The following PCDHGA12 variants were observed in gnomAD, a reference collection of about 807,000 sequenced individuals.
PCDHGA12 encodes the protein protocadherin gamma-A12.
PCDHGA12 carries 43 observed loss-of-function variants against 61.1 expected under a neutral mutation model. The observed-to-expected ratio is 0.70, with a 90% CI of 0.55 to 0.91. PCDHGA12 has a LOEUF of 0.91. PCDHGA12 is among the 40% of genes least tolerant of loss of function. The pLI is 0.00. For synonymous variants in PCDHGA12, 520 were observed against 542.9 expected (o/e 0.96, Z 0.59); for missense variants, 1,236 against 1,227.7 (o/e 1.01, Z -0.10).
intron 1 of PCDHGA12, among the ~76,000 whole-genome samples, chr5:141,445,620 C>T (rs561235315): frequency 2.0e-5 from 3 of 151,966 alleles, no homozygotes; most frequent in African/African-American, 4.8e-5. Context: ...TTCTTTTTTT[C>T]GGAAAGTGAT....
chr5:141,446,087 A>G (rs2154561251), intron 1 of PCDHGA12, among the ~76,000 whole-genome samples: 1 of 152,370 alleles, frequency 6.6e-6, no homozygotes, highest in Non-Finnish European at 1.5e-5. Flanking sequence ...GTAGAAATAA[A>G]TGGATGAATT....
chr5:141,478,724 G>T, intron 1 of PCDHGA12: 2 of 1,542,774 alleles, frequency 1.3e-6, no homozygotes, highest in Non-Finnish European at 1.8e-6. Context: ...TGGCCTGCCA[G>T]AGTGTGGTTT....
chr5:141,485,895 C>G lies in PCDHGA12; in HGVS notation c.2425-8912C>G, dbSNP rs1243568042. On this transcript the variant is annotated intron_variant, in intron 1 of 3. Coordinates refer to ENST00000252085, the MANE Select transcript of PCDHGA12 (RefSeq NM_003735.3). This position sits in a 1 kb window ranked among gnomAD's most constrained non-coding sequence, Gnocchi z 5.7. Reference sequence around the variant, plus strand: ...CTGGACGTAAACGACAACGCCCCAGCCTTCCAGCAATCCAGCTACAGGATT... The same window carrying G: ...CTGGACGTAAACGACAACGCCCCAGGCTTCCAGCAATCCAGCTACAGGATT... 3 of 1,614,136 alleles carry G rather than the reference C, an allele frequency of 1.9e-6. No individual in the cohort carries two copies. The highest frequency in any genetic ancestry group is 2.5e-6 in the Non-Finnish European group (3 of 1,180,036).
chr5:141,475,740 A>G (rs942793010), intron 1 of PCDHGA12, among the ~76,000 whole-genome samples: 4 of 152,280 alleles, frequency 2.6e-5, no homozygotes, highest in Non-Finnish European at 5.9e-5. Flanking sequence ...TCCCTAAGGT[A>G]GGTTTCCTAT....
chr5:141,459,139 A>G (rs1592605909), intron 1 of PCDHGA12, among the ~76,000 whole-genome samples: 1 of 152,360 alleles, frequency 6.6e-6, no homozygotes, highest in Non-Finnish European at 1.5e-5. Flanking sequence ...ACCACCATGC[A>G]ATCAAAATAT....
chr5:141,469,853 G>A (rs549678022), intron 1 of PCDHGA12, among the ~76,000 whole-genome samples: 5 of 152,270 alleles, frequency 3.3e-5, no homozygotes, highest in South Asian at 2.1e-4. Context: ...GATTCAGACC[G>A]GGTGCAATGG....
intron 1 of PCDHGA12, among the ~76,000 whole-genome samples, chr5:141,467,903 C>G (rs1256664266): frequency 6.6e-6 from 1 of 152,156 alleles, no homozygotes. Context: ...AAGAAATCCG[C>G]CCACCTCAGC....
At chr5:141,501,557 G>A (rs192507373) in intron 2 of PCDHGA12, among the ~76,000 whole-genome samples, 1 of 152,124 alleles carries the variant, frequency 6.6e-6, no homozygotes, top group Non-Finnish European at 1.5e-5. Context: ...CATAGGCCCT[G>A]GAATCATATT....
At position 141,432,807 on chromosome 5, in the gene PCDHGA12, ACT is replaced by A. The variant is rs542925824; in HGVS notation, c.2051_2052del (p.Ser684Ter). On this transcript the variant is annotated frameshift_variant, in exon 1 of 4. Coordinates refer to ENST00000252085, the MANE Select transcript of PCDHGA12 (RefSeq NM_003735.3). LOFTEE classifies it high-confidence loss of function. This position sits in a 1 kb window ranked among gnomAD's most constrained non-coding sequence, Gnocchi z 6.0. ...CTCGGCAGCCTCGAGTCTCCAGCTA[ACT>A]CTGAAACCTCAGACCTCACTCTGTA... 352 of 1,613,946 alleles carry A rather than the reference ACT, an allele frequency of 2.2e-4. 2 individuals carry two copies. The African/African-American group carries it at 4.2e-3, about 19-fold the overall frequency.
rs762687404 is a variant in PCDHGA12 at position 141,486,468 on chromosome 5, A to G, written c.2425-8339A>G. Reference sequence around the variant, plus strand: ...ATGGTCACTGCTTCTGATGCTGGGAACCCTCCTCTCAGTACCCACAGAACT... The same window carrying G: ...ATGGTCACTGCTTCTGATGCTGGGAGCCCTCCTCTCAGTACCCACAGAACT... On this transcript the variant is annotated intron_variant, in intron 1 of 3. Transcript: ENST00000252085. This position sits in a 1 kb window ranked among gnomAD's most constrained non-coding sequence, Gnocchi z 5.0. The G allele has an allele frequency of 1.2e-6, 2 of 1,612,906 alleles. No individual in the cohort carries two copies. Among genetic ancestry groups the G allele is most frequent in the Middle Eastern group, 1.6e-4 (1 of 6,062 alleles).
In PCDHGA12 at chr5:141,491,961, G is replaced by A. The variant is rs891299192; in HGVS notation, c.2425-2846G>A. 3 of 970,010 alleles carry A rather than the reference G, an allele frequency of 3.1e-6. No individual in the cohort carries two copies. The highest frequency in any genetic ancestry group is 4.3e-6 in the Non-Finnish European group (3 of 693,098). 60.1% of individuals were successfully genotyped at this position (970,010 alleles called of 1,614,324 possible). On this transcript the variant is annotated intron_variant, in intron 1 of 3. Transcript: ENST00000252085. This position sits in a 1 kb window ranked among gnomAD's most constrained non-coding sequence, Gnocchi z 6.9. ...GACCCCCACCCCTACACTCAAAAAAGGCCGGGGCCTCCTTCGAGCTTCCGG... is the reference window on the plus strand; with the variant it reads ...GACCCCCACCCCTACACTCAAAAAAAGCCGGGGCCTCCTTCGAGCTTCCGG...
chr5:141,491,956 A>G lies in PCDHGA12; in HGVS notation c.2425-2851A>G, dbSNP rs2099735623. 1.9e-6 allele frequency: 2 copies of G among 1,035,704 alleles called. No homozygotes were observed. Among genetic ancestry groups the G allele is most frequent in the Non-Finnish European group, 2.7e-6 (2 of 749,368 alleles). The allele number at this position is 1,035,704 out of a possible 1,614,324, so 64.2% of individuals were successfully genotyped here. A position where few individuals can be genotyped will look rare whatever the true frequency, so the allele number is the denominator to read the frequency against. On this transcript the variant is annotated intron_variant, in intron 1 of 3. Transcript: ENST00000252085. This position sits in a 1 kb window ranked among gnomAD's most constrained non-coding sequence, Gnocchi z 6.9. Reference sequence around the variant, plus strand: ...GGACCGACCCCCACCCCTACACTCAAAAAAGGCCGGGGCCTCCTTCGAGCT... The same window carrying G: ...GGACCGACCCCCACCCCTACACTCAGAAAAGGCCGGGGCCTCCTTCGAGCT...
Position 141,490,748 on chromosome 5 carries a change from C to A in PCDHGA12, c.2425-4059C>A. 3.1e-6 allele frequency: 5 copies of A among 1,614,168 alleles called. No individual in the cohort carries two copies. Among genetic ancestry groups the A allele is most frequent in the Non-Finnish European group, 3.4e-6 (4 of 1,180,006 alleles). ...GGAAATCAGGTTCAGGGAGCCCCAGCCTCCTCCTTTGTGTATGTCAACCCA... is the reference window on the plus strand; with the variant it reads ...GGAAATCAGGTTCAGGGAGCCCCAGACTCCTCCTTTGTGTATGTCAACCCA... On this transcript the variant is annotated intron_variant, in intron 1 of 3. Transcript: ENST00000252085. This position sits in a 1 kb window ranked among gnomAD's most constrained non-coding sequence, Gnocchi z 5.4.
At chr5:141,504,995 G>A (rs1214858212) in intron 2 of PCDHGA12, among the ~76,000 whole-genome samples, 6 of 151,980 alleles carry the variant, frequency 3.9e-5, no homozygotes, top group African/African-American at 1.5e-4. Context: ...AACCCCGTCT[G>A]TACTAAAAAT....
chr5:141,455,529 G>A (rs2098825323), intron 1 of PCDHGA12, among the ~76,000 whole-genome samples: 1 of 152,146 alleles, frequency 6.6e-6, no homozygotes, highest in Non-Finnish European at 1.5e-5. Flanking sequence ...GGTTTGACCA[G>A]GCATATCATT....
chr5:141,446,075 A>G (rs907731619), intron 1 of PCDHGA12, among the ~76,000 whole-genome samples: 1 of 152,216 alleles, frequency 6.6e-6, no homozygotes, highest in Admixed American at 6.5e-5. Context: ...GAGGCAGTGG[A>G]TGTAGAAATA....
At chr5:141,464,008 G>A (rs1484928987) in intron 1 of PCDHGA12, among the ~76,000 whole-genome samples, 6 of 151,674 alleles carry the variant, frequency 4.0e-5, no homozygotes, top group Non-Finnish European at 7.4e-5. Flanking sequence ...GCTCATGCTT[G>A]TAATCCCACA....
chr5:141,448,511 A>C (rs2098593334), intron 1 of PCDHGA12, among the ~76,000 whole-genome samples: 1 of 152,076 alleles, frequency 6.6e-6, no homozygotes, highest in Admixed American at 6.6e-5. Context: ...ACATTTTATA[A>C]CTTTATTAAG....
At chr5:141,480,033 C>T (rs370321166) in intron 1 of PCDHGA12, among the ~76,000 whole-genome samples, 1 of 152,106 alleles carries the variant, frequency 6.6e-6, no homozygotes, top group African/African-American at 2.4e-5. Flanking sequence ...AAGCCTCTTC[C>T]TCATATGCAA....
Sources: gnomAD v4.1 joint callset for allele counts (sites outside exome capture counted in the v4.1 genomes callset) on GRCh38, gnomAD v4.1.1 for gene constraint, Gnocchi (gnomAD v3.1) non-coding constraint, MANE v1.5 for transcripts, NCBI Gene and HGNC (gene_info 2026-07-23, HGNC 2026-07-21) for gene names.